The following CDH13 variants were observed in gnomAD, a reference collection of about 807,000 sequenced individuals.
CDH13 encodes cadherin-13.
In CDH13, 24 loss-of-function variants were observed where a neutral mutation model predicts 63.8. The ratio of observed to expected loss-of-function variants is 0.38; its 90% CI spans 0.27 to 0.53. The LOEUF (loss-of-function observed/expected upper bound fraction) is 0.53, where lower values mean the gene tolerates loss of function less well. CDH13 is among the 20% of genes least tolerant of loss of function. The pLI is 0.85. For synonymous variants in CDH13, 503 were observed against 355.3 expected (o/e 1.42, Z -4.67); for missense variants, 1,049 against 903.1 (o/e 1.16, Z -2.07).
At chr16:83,427,720 G>A (rs1021379801) in intron 6 of CDH13, among the ~76,000 whole-genome samples, 1 of 152,010 alleles carries the variant, frequency 6.6e-6, no homozygotes, top group Non-Finnish European at 1.5e-5. Flanking sequence ...GTGCTACTAA[G>A]CACCTCTGCA....
chr16:82,847,314 A>G (rs2039303446), intron 1 of CDH13, among the ~76,000 whole-genome samples: 1 of 152,170 alleles, frequency 6.6e-6, no homozygotes, highest in East Asian at 1.9e-4. Context: ...GCTTCACTGG[A>G]CTAAAATCAA....
chr16:83,115,222 C>G (rs1382625922), intron 3 of CDH13, among the ~76,000 whole-genome samples: 3 of 152,190 alleles, frequency 2.0e-5, no homozygotes, highest in South Asian at 2.1e-4. Flanking sequence ...AGCTGAATGA[C>G]TTGGGATGAG....
chr16:83,486,926 C>G (rs527545665), intron 7 of CDH13, among the ~76,000 whole-genome samples: 3 of 152,240 alleles, frequency 2.0e-5, no homozygotes, highest in Admixed American at 6.5e-5. Context: ...ATTCTCTAGG[C>G]CCTGGTGATT....
intron 1 of CDH13, among the ~76,000 whole-genome samples, chr16:82,702,774 G>C (rs1156815201): frequency 6.6e-6 from 1 of 152,192 alleles, no homozygotes; most frequent in Non-Finnish European, 1.5e-5. Context: ...TTGCATGTAT[G>C]ATTTCCTCTG....
At chr16:83,650,175 A>G (rs936742955) in intron 8 of CDH13, among the ~76,000 whole-genome samples, 4 of 152,196 alleles carry the variant, frequency 2.6e-5, no homozygotes, top group African/African-American at 4.8e-5. Context: ...ACCCACAGGT[A>G]TAAAATGTAT....
chr16:83,064,179 G>A (rs1052871496), intron 3 of CDH13, among the ~76,000 whole-genome samples: 1 of 152,130 alleles, frequency 6.6e-6, no homozygotes, highest in African/African-American at 2.4e-5. Context: ...GAACAGTCTG[G>A]CCCACATGAT....
intron 2 of CDH13, among the ~76,000 whole-genome samples, chr16:82,901,293 AT>A (rs1320283846): frequency 1.3e-5 from 2 of 151,384 alleles, no homozygotes; most frequent in Non-Finnish European, 2.9e-5. Flanking sequence ...TACCTGATTA[AT>A]AAAATCTTAG....
intron 7 of CDH13, among the ~76,000 whole-genome samples, chr16:83,535,407 G>T (rs2075163818): frequency 6.6e-6 from 1 of 152,224 alleles, no homozygotes; most frequent in Non-Finnish European, 1.5e-5. Flanking sequence ...AAAGTAGAGG[G>T]AAATAATTGT....
chr16:82,770,793 C>T (rs1012678232), intron 1 of CDH13, among the ~76,000 whole-genome samples: 9 of 152,032 alleles, frequency 5.9e-5, no homozygotes, highest in East Asian at 1.9e-4. Context: ...CTGCAACCTC[C>T]GCCTCCCAAG....
chr16:82,874,574 T>C (rs2151193826), intron 2 of CDH13, among the ~76,000 whole-genome samples: 1 of 152,172 alleles, frequency 6.6e-6, no homozygotes, highest in South Asian at 2.1e-4. Context: ...TCCCAGAGGA[T>C]CTATTTTTAG....
intron 2 of CDH13, among the ~76,000 whole-genome samples, chr16:82,945,968 T>A (rs924777985): frequency 6.6e-6 from 1 of 152,142 alleles, no homozygotes; most frequent in African/African-American, 2.4e-5. Flanking sequence ...GGAGGAAGGA[T>A]GTGGTCTTCA....
At chr16:82,722,663 G>A (rs886120831) in intron 1 of CDH13, among the ~76,000 whole-genome samples, 1 of 152,108 alleles carries the variant, frequency 6.6e-6, no homozygotes, top group African/African-American at 2.4e-5. Flanking sequence ...CATGAGAGAT[G>A]GCAGGTAGAC....
At chr16:83,389,019 G>A (rs2091733609) in intron 6 of CDH13, among the ~76,000 whole-genome samples, 1 of 152,156 alleles carries the variant, frequency 6.6e-6, no homozygotes. Flanking sequence ...CCTAAAACCA[G>A]TCAGAGCCGA....
chr16:83,141,461 T>C (rs2036525808), intron 4 of CDH13, among the ~76,000 whole-genome samples: 1 of 152,222 alleles, frequency 6.6e-6, no homozygotes, highest in Non-Finnish European at 1.5e-5. Flanking sequence ...TTCTTTATAT[T>C]TTCATTTCTC....
At chr16:83,147,253 G>C (rs751956495) in intron 4 of CDH13, among the ~76,000 whole-genome samples, 2 of 152,172 alleles carry the variant, frequency 1.3e-5, no homozygotes, top group African/African-American at 4.8e-5. Context: ...TCCGTCTTCT[G>C]TTTTCCACAT....
chr16:83,766,222 AG>A (rs1253565511), intron 11 of CDH13, among the ~76,000 whole-genome samples: 1 of 152,196 alleles, frequency 6.6e-6, no homozygotes, highest in Non-Finnish European at 1.5e-5. Flanking sequence ...TAGATTAGGA[AG>A]GATTTGAATT....
intron 5 of CDH13, among the ~76,000 whole-genome samples, chr16:83,328,466 A>C (rs563596687): frequency 3.3e-5 from 5 of 152,184 alleles, no homozygotes; most frequent in Admixed American, 6.5e-5. Context: ...AAGACAATTG[A>C]CATAGGATGA....
At chr16:83,211,022 C>T (rs546130138) in intron 4 of CDH13, among the ~76,000 whole-genome samples, 2 of 150,878 alleles carry the variant, frequency 1.3e-5, no homozygotes, top group South Asian at 4.2e-4. Context: ...GTGGCACGCA[C>T]CTGTAGTCCC....
At chr16:82,805,480 A>G (rs907661758) in intron 1 of CDH13, among the ~76,000 whole-genome samples, 1 of 152,146 alleles carries the variant, frequency 6.6e-6, no homozygotes, top group Non-Finnish European at 1.5e-5. Context: ...AAAATGCCAG[A>G]AGAGTGTATT....
Sources: gnomAD v4.1 joint callset for allele counts (sites outside exome capture counted in the v4.1 genomes callset) on GRCh38, gnomAD v4.1.1 for gene constraint, MANE v1.5 for transcripts, NCBI Gene and HGNC (gene_info 2026-07-23, HGNC 2026-07-21) for gene names.